EYA1: variants seen among roughly 807,000 people sequenced by gnomAD.
The protein encoded by EYA1 is EYA transcriptional coactivator and phosphatase 1.
A neutral mutation model predicts 82.0 loss-of-function variants in EYA1; 16 were observed. That is an observed-to-expected ratio of 0.20 (90% CI 0.13 to 0.30). The LOEUF (loss-of-function observed/expected upper bound fraction) is 0.30, where lower values mean the gene tolerates loss of function less well. Among genes scored for constraint, EYA1 ranks in the 10% least tolerant of loss-of-function variants. The probability of loss-of-function intolerance (pLI) is 1.00; values close to 1 mark genes in which losing one functional copy is unlikely to be tolerated. For missense variants in EYA1, 633 were observed against 730.7 expected (o/e 0.87, Z 1.54); for synonymous variants, 261 against 264.4 (o/e 0.99, Z 0.12).
At chr8:71,314,596 T>C (rs937221184) in intron 7 of EYA1, among the ~76,000 whole-genome samples, 4 of 152,190 alleles carry the variant, frequency 2.6e-5, no homozygotes, top group Non-Finnish European at 5.9e-5. Flanking sequence ...AAATCCAGAA[T>C]GCTCCTATAA....
intron 2 of EYA1, chr8:71,470,824 T>C (rs1214691821): frequency 2.2e-6 from 1 of 450,430 alleles, no homozygotes; most frequent in Non-Finnish European, 4.4e-6. Flanking sequence ...AACAGAACCG[T>C]AGTACTACAT....
At chr8:71,343,523 T>C (rs781028182) in intron 3 of EYA1, among the ~76,000 whole-genome samples, 17 of 152,258 alleles carry the variant, frequency 1.1e-4, no homozygotes, top group Non-Finnish European at 2.1e-4. Flanking sequence ...AAGAGGAACC[T>C]GAACTAGCAT....
At chr8:71,273,196 A>G (rs1363109699) in intron 9 of EYA1, among the ~76,000 whole-genome samples, 1 of 152,236 alleles carries the variant, frequency 6.6e-6, no homozygotes, top group African/African-American at 2.4e-5. Context: ...AACAAGCAAG[A>G]GACTTCTTCT....
At position 71,211,265 on chromosome 8, in the gene EYA1, CAA is replaced by C. The variant is rs1309903785; in HGVS notation, c.1598-11_1598-10del. The C allele has an allele frequency of 6.4e-7, 1 of 1,560,150 alleles. No individual in the cohort carries two copies. The highest frequency in any genetic ancestry group is 2.2e-5 in the East Asian group (1 of 44,584). On this transcript the variant is annotated splice_polypyrimidine_tract_variant and intron_variant, in intron 16 of 17. Coordinates refer to ENST00000340726, the MANE Select transcript of EYA1 (RefSeq NM_000503.6). ...AAAACAGCTTTCTTTTCCTAGTGAA[CAA>C]AAATAAATGATAGAAAATGTGAAGT... is the stretch of plus-strand genomic sequence containing the variant.
chr8:71,314,395 T>A (rs1045551345), intron 7 of EYA1, among the ~76,000 whole-genome samples: 32 of 152,316 alleles, frequency 2.1e-4, no homozygotes, highest in Admixed American at 2.1e-3. Flanking sequence ...TTATCCATCA[T>A]CATTTTGGCA....
chr8:71,246,003 A>G (rs1813046452), intron 11 of EYA1, among the ~76,000 whole-genome samples: 1 of 152,204 alleles, frequency 6.6e-6, no homozygotes, highest in African/African-American at 2.4e-5. Flanking sequence ...AACTTGGGGG[A>G]TATGCAGGTA....
At chr8:71,211,363 C>A (rs978096779) in intron 16 of EYA1, 107 bp from the exon 17 acceptor site, 3 of 741,216 alleles carry the variant, frequency 4.0e-6, no homozygotes, top group African/African-American at 3.5e-5. Context: ...GATTCGAATG[C>A]CCCACTAGTA....
chr8:71,521,145 C>G (rs900798334), intron 2 of EYA1, among the ~76,000 whole-genome samples: 1 of 151,714 alleles, frequency 6.6e-6, no homozygotes, highest in Non-Finnish European at 1.5e-5. Flanking sequence ...AGAATATACA[C>G]AGTATGACCA....
intron 9 of EYA1, among the ~76,000 whole-genome samples, chr8:71,278,779 A>G (rs1450945126): frequency 6.6e-6 from 1 of 152,170 alleles, no homozygotes; most frequent in Non-Finnish European, 1.5e-5. Flanking sequence ...AAGTGTTCAC[A>G]TTTATTCTAA....
chr8:71,362,794 A>G (rs1257187969), upstream of EYA1, among the ~76,000 whole-genome samples: 1 of 152,202 alleles, frequency 6.6e-6, no homozygotes, highest in African/African-American at 2.4e-5. Flanking sequence ...TTTTAAAAAA[A>G]AATTCTTACT....
intron 2 of EYA1, among the ~76,000 whole-genome samples, chr8:71,410,086 A>G (rs950634321): frequency 1.1e-4 from 16 of 152,120 alleles, no homozygotes; most frequent in Non-Finnish European, 1.9e-4. Context: ...ACGCAAATCA[A>G]TAAATGTAAT....
chr8:71,347,885 CAAAAAAAAA>C (rs5892271), intron 3 of EYA1, among the ~76,000 whole-genome samples: 1 of 80,842 alleles, frequency 1.2e-5, no homozygotes, highest in African/African-American at 4.5e-5. Context: ...TGGAGGCATG[CAAAAAAAAA>C]AAAAAAAAAA....
intron 2 of EYA1, among the ~76,000 whole-genome samples, chr8:71,489,867 A>G (rs1366147958): frequency 6.6e-6 from 1 of 152,208 alleles, no homozygotes; most frequent in Non-Finnish European, 1.5e-5. Flanking sequence ...CATCTAAAGA[A>G]TTACTTCCAG....
At chr8:71,469,582 G>T (rs1277819885) in intron 2 of EYA1, among the ~76,000 whole-genome samples, 1 of 152,100 alleles carries the variant, frequency 6.6e-6, no homozygotes, top group African/African-American at 2.4e-5. Context: ...TGTAAAATCA[G>T]TTGTATGTGT....
intron 3 of EYA1, among the ~76,000 whole-genome samples, chr8:71,343,833 CAG>C (rs1328226923): frequency 6.6e-6 from 1 of 152,134 alleles, no homozygotes; most frequent in Non-Finnish European, 1.5e-5. Flanking sequence ...TAGAATCTGG[CAG>C]AGTTTATTTG....
chr8:71,434,314 T>A (rs1189496392), intron 2 of EYA1, among the ~76,000 whole-genome samples: 1 of 152,174 alleles, frequency 6.6e-6, no homozygotes, highest in Non-Finnish European at 1.5e-5. Context: ...CCTTCATAAA[T>A]GCAATGGTGA....
At position 71,431,981 on chromosome 8, in the gene EYA1, A is replaced by G. The variant is rs142593337; in HGVS notation, c.34-75470T>C. Among the ~76,000 whole-genome samples, 259 of 152,248 alleles carry G rather than the reference A, an allele frequency of 1.7e-3. 1 individual carries two copies. Among genetic ancestry groups the G allele is most frequent in the African/African-American group, 6.0e-3 (249 of 41,546 alleles). On this transcript the variant is annotated intron_variant, in intron 2 of 18. Transcript: ENST00000643681. The stretch of plus-strand genomic sequence containing the variant: ...CTATCCCAGGGTCCACATTTCTGCT[A>G]TTTATATTGCATGGAATACAATTCT...
chr8:71,229,687 A>C (rs1056913177), intron 12 of EYA1, among the ~76,000 whole-genome samples: 9 of 152,194 alleles, frequency 5.9e-5, no homozygotes, highest in Admixed American at 2.0e-4. Context: ...TCATGTAGAA[A>C]ATTTGTGCAG....
chr8:71,207,681 C>A (rs1218415894), intron 17 of EYA1, among the ~76,000 whole-genome samples: 1 of 151,944 alleles, frequency 6.6e-6, no homozygotes, highest in African/African-American at 2.4e-5. Flanking sequence ...CAAAGATAAA[C>A]AGTGGAAACA....
Sources: gnomAD v4.1 joint callset for allele counts (sites outside exome capture counted in the v4.1 genomes callset) on GRCh38, gnomAD v4.1.1 for gene constraint, MANE v1.5 for transcripts, NCBI Gene and HGNC (gene_info 2026-07-23, HGNC 2026-07-21) for gene names.